Variants in GFPT1 observed in about 807,000 individuals in gnomAD.
The protein encoded by GFPT1 is glutamine--fructose-6-phosphate aminotransferase [isomerizing] 1.
GFPT1 carries 40 observed loss-of-function variants against 92.0 expected under a neutral mutation model. The observed-to-expected ratio is 0.43, with a 90% CI of 0.34 to 0.57. The LOEUF is 0.57. Ranked by LOEUF, GFPT1 falls within the 20% of genes least tolerant of loss-of-function variation. The probability of loss-of-function intolerance (pLI) is 0.02; values close to 1 mark genes in which losing one functional copy is unlikely to be tolerated. For missense variants in GFPT1, 448 were observed against 869.1 expected (o/e 0.52, Z 6.09); for synonymous variants, 269 against 280.6 (o/e 0.96, Z 0.41).
rs914406813 is a variant in GFPT1 at position 69,324,291 on chromosome 2, T to C, written c.*1898A>G. On this transcript the variant is annotated 3_prime_UTR_variant, in exon 20 of 20. Coordinates refer to ENST00000357308, the MANE Select transcript of GFPT1 (RefSeq NM_001244710.2). ...CAGACTAATGACTGACTTCACATAT[T>C]AGTTTTAACTTAGAATGCTGAATCA... 1 of 152,212 alleles carries C rather than the reference T, an allele frequency of 6.6e-6. No individual in the cohort carries two copies. The highest frequency in any genetic ancestry group is 1.5e-5 in the Non-Finnish European group (1 of 68,040). The allele number at this position is 152,212 out of a possible 1,614,324, so 9.4% of individuals were successfully genotyped here.
chr2:69,368,271 T>C (rs1402374189), intron 3 of GFPT1, among the ~76,000 whole-genome samples: 6 of 151,918 alleles, frequency 3.9e-5, no homozygotes, highest in Admixed American at 2.6e-4. Flanking sequence ...TGGTCCCAGC[T>C]ACTCAGGAGG....
At position 69,329,476 on chromosome 2, in the gene GFPT1, C is replaced by A. The variant is rs765548710; in HGVS notation, c.1598-52G>T. On this transcript the variant is annotated intron_variant, in intron 16 of 19. Coordinates refer to ENST00000357308, the MANE Select transcript of GFPT1 (RefSeq NM_001244710.2). ...ACAATAAACCAAACAAATAAAATAA[C>A]AATATATTGGCAGCAAATAACAAAA... 24 of 1,366,536 alleles carry A rather than the reference C, an allele frequency of 1.8e-5. 1 individual carries two copies. The highest frequency in any genetic ancestry group is 2.4e-5 in the Non-Finnish European group (23 of 965,004). 84.7% of individuals were successfully genotyped at this position (1,366,536 alleles called of 1,614,324 possible).
Position 69,324,979 on chromosome 2 carries a change from C to G in GFPT1, c.*1210G>C, listed in dbSNP as rs1382504016. On this transcript the variant is annotated 3_prime_UTR_variant, in exon 20 of 20. Transcript: ENST00000357308. ...CACTTTATTTATATCTTCTTTATTC[C>G]TAAATATATTTCAGGGGTAGAGCAC... is the stretch of plus-strand genomic sequence containing the variant. 6.6e-6 allele frequency: 1 copy of G among 152,094 alleles called. No individual in the cohort carries two copies. The highest frequency in any genetic ancestry group is 2.4e-5 in the African/African-American group (1 of 41,408). 9.4% of individuals were successfully genotyped at this position (152,094 alleles called of 1,614,324 possible).
intron 9 of GFPT1, among the ~76,000 whole-genome samples, chr2:69,352,112 A>C (rs1040328344): frequency 6.6e-6 from 1 of 151,766 alleles, no homozygotes; most frequent in African/African-American, 2.4e-5. Context: ...AAACACAAAA[A>C]ATTAGCTGAG....
At chr2:69,376,523 GAAAA>G (rs11464823) in intron 1 of GFPT1, among the ~76,000 whole-genome samples, 2 of 144,924 alleles carry the variant, frequency 1.4e-5, no homozygotes, top group African/African-American at 5.1e-5. Context: ...CATCTCAAAA[GAAAA>G]AAAAAAAAGT....
chr2:69,337,563 T>A (rs1271666252), intron 15 of GFPT1, among the ~76,000 whole-genome samples: 3 of 152,216 alleles, frequency 2.0e-5, no homozygotes, highest in African/African-American at 7.2e-5. Context: ...ATACTTGTTA[T>A]GTATCCTACT....
intron 1 of GFPT1, among the ~76,000 whole-genome samples, chr2:69,382,291 T>C (rs1437237840): frequency 6.6e-6 from 1 of 152,176 alleles, no homozygotes. Flanking sequence ...TCTAGAACAA[T>C]CTTTATTCAA....
intron 1 of GFPT1, among the ~76,000 whole-genome samples, chr2:69,384,715 A>AAAAAGAAAGAAAG (rs1672090183): frequency 1.3e-5 from 2 of 151,062 alleles, no homozygotes; most frequent in Non-Finnish European, 3.0e-5. Flanking sequence ...AAAAAAAAGA[A>AAAAAGAAAGAAAG]AAAAGAAAGA....
intron 18 of GFPT1, 57 bp from the exon 19 acceptor site, chr2:69,327,132 T>TA: frequency 6.5e-7 from 1 of 1,548,890 alleles, no homozygotes; most frequent in Non-Finnish European, 8.9e-7. Context: ...GGCAGGGCTA[T>TA]AGCTTACGAA....
chr2:69,375,734 T>C (rs1044251053), intron 1 of GFPT1, among the ~76,000 whole-genome samples: 3 of 152,112 alleles, frequency 2.0e-5, no homozygotes, highest in Non-Finnish European at 4.4e-5. Flanking sequence ...TAAGGGAGGG[T>C]AGAACATCTA....
chr2:69,364,551 T>TTA (rs1558767532), intron 3 of GFPT1, among the ~76,000 whole-genome samples: 1 of 152,260 alleles, frequency 6.6e-6, no homozygotes, highest in Non-Finnish European at 1.5e-5. Flanking sequence ...TGCAATTTCT[T>TTA]TGGTCTCTGG....
In GFPT1 at chr2:69,362,382, C is replaced by T. The variant is rs542485723; in HGVS notation, c.349+1163G>A. On this transcript the variant is annotated intron_variant, in intron 4 of 19. Coordinates refer to ENST00000357308, the MANE Select transcript of GFPT1 (RefSeq NM_001244710.2). ...GCTCAGGCAATCCCTCCATCTCAGC[C>T]TTCCAAAGTGCTGGGTAGACTTCTT... Among the ~76,000 whole-genome samples, 4 of 152,322 alleles carry T rather than the reference C, an allele frequency of 2.6e-5. No homozygotes were observed. In the East Asian group the frequency reaches 5.8e-4, roughly 22 times the overall value.
intron 4 of GFPT1, among the ~76,000 whole-genome samples, chr2:69,361,745 G>A (rs550058221): frequency 2.7e-4 from 41 of 152,206 alleles, no homozygotes; most frequent in Non-Finnish European, 4.3e-4. Flanking sequence ...TTGGGAGGCT[G>A]AGGTGGGAAG....
intron 1 of GFPT1, among the ~76,000 whole-genome samples, chr2:69,374,704 T>C (rs1671831805): frequency 6.6e-6 from 1 of 152,200 alleles, no homozygotes; most frequent in Non-Finnish European, 1.5e-5. Flanking sequence ...AACAAATTCA[T>C]GGTTTATGTC....
chr2:69,330,015 C>T (rs1255616046), intron 15 of GFPT1, among the ~76,000 whole-genome samples: 1 of 152,106 alleles, frequency 6.6e-6, no homozygotes, highest in Admixed American at 6.5e-5. Context: ...CTTAGGAGTT[C>T]GAGACCAGCC....
intron 10 of GFPT1, 61 bp downstream of exon 10, chr2:69,350,017 G>T: frequency 1.8e-6 from 2 of 1,096,000 alleles, no homozygotes; most frequent in South Asian, 1.3e-5. Flanking sequence ...TGACTTCTTG[G>T]GTTTCCTGCA....
intron 9 of GFPT1, among the ~76,000 whole-genome samples, chr2:69,352,140 G>A (rs1310408066): frequency 6.6e-6 from 1 of 152,054 alleles, no homozygotes. Context: ...GAGTACACCT[G>A]TAGTCTCAGC....
At chr2:69,348,143 C>A (rs1383302291) in intron 11 of GFPT1, 28 bp downstream of exon 11, 1 of 1,569,386 alleles carries the variant, frequency 6.4e-7, no homozygotes, top group East Asian at 2.2e-5. Flanking sequence ...GTAAGGACAG[C>A]AAGCTATAAC....
intron 12 of GFPT1, among the ~76,000 whole-genome samples, chr2:69,344,082 C>A (rs1041723168): frequency 1.3e-5 from 2 of 149,754 alleles, no homozygotes; most frequent in Middle Eastern, 3.5e-3. Context: ...ACAGTGTTTT[C>A]CACAGACCTT....
Sources: allele counts gnomAD v4.1 joint callset (sites outside exome capture counted in the v4.1 genomes callset), GRCh38; gene constraint gnomAD v4.1.1; transcripts MANE v1.5; gene names NCBI Gene and HGNC (gene_info 2026-07-23, HGNC 2026-07-21).